The following CTIF variants were observed in gnomAD, a reference collection of about 807,000 sequenced individuals.
CTIF encodes CBP80/20-dependent translation initiation factor.
A neutral mutation model predicts 66.0 loss-of-function variants in CTIF; 21 were observed. The observed-to-expected ratio is 0.32, with a 90% confidence interval of 0.23 to 0.46. The LOEUF (loss-of-function observed/expected upper bound fraction) is 0.46, where lower values mean the gene tolerates loss of function less well. Ranked by LOEUF, CTIF falls within the 20% of genes least tolerant of loss-of-function variation. The pLI, the probability that CTIF is intolerant of heterozygous loss-of-function variation, is 1.00. For synonymous variants in CTIF, 345 were observed against 326.4 expected (o/e 1.06, Z -0.62); for missense variants, 739 against 812.7 (o/e 0.91, Z 1.10).
At chr18:48,603,849 ATT>A (rs34207687) in intron 1 of CTIF, among the ~76,000 whole-genome samples, 13 of 138,096 alleles carry the variant, frequency 9.4e-5, no homozygotes, top group Non-Finnish European at 1.3e-4. Context: ...ACTCAGTGAA[ATT>A]TTTTTTTTTT....
At chr18:48,738,264 T>G (rs1361731457) in intron 7 of CTIF, among the ~76,000 whole-genome samples, 1 of 152,276 alleles carries the variant, frequency 6.6e-6, no homozygotes, top group East Asian at 1.9e-4. Context: ...GCCAAGGCAG[T>G]GTGGGCTCTC....
chr18:48,738,375 A>C (rs1191260363), intron 7 of CTIF, among the ~76,000 whole-genome samples: 1 of 152,140 alleles, frequency 6.6e-6, no homozygotes. Context: ...CATCCAGATA[A>C]GGGCCAAAGT....
At chr18:48,694,952 T>C (rs1283890364) in intron 6 of CTIF, among the ~76,000 whole-genome samples, 3 of 152,256 alleles carry the variant, frequency 2.0e-5, no homozygotes, top group Non-Finnish European at 4.4e-5. Flanking sequence ...CTAATCTTTC[T>C]TCCTAATTGG....
At chr18:48,574,930 C>T (rs1218225353) in intron 1 of CTIF, among the ~76,000 whole-genome samples, 3 of 152,140 alleles carry the variant, frequency 2.0e-5, no homozygotes, top group Non-Finnish European at 4.4e-5. Context: ...TATGGGCTAG[C>T]CACATGTCTA....
intron 3 of CTIF, among the ~76,000 whole-genome samples, chr18:48,638,430 C>T (rs1177394705): frequency 6.6e-6 from 1 of 152,086 alleles, no homozygotes; most frequent in African/African-American, 2.4e-5. Context: ...CCCCTCTGGT[C>T]CCCTTCTCCA....
intron 9 of CTIF, among the ~76,000 whole-genome samples, chr18:48,802,156 A>C (rs1172833269): frequency 1.3e-5 from 2 of 152,222 alleles, no homozygotes; most frequent in Non-Finnish European, 1.5e-5. Flanking sequence ...ACACAGAGTC[A>C]CAGCAGTTGG....
intron 3 of CTIF, among the ~76,000 whole-genome samples, chr18:48,656,786 C>T (rs565374221): frequency 6.6e-6 from 1 of 152,306 alleles, no homozygotes; most frequent in Non-Finnish European, 1.5e-5. Context: ...TTCTCAGAAC[C>T]TTGGCATTTC....
Position 48,817,244 on chromosome 18 carries a change from G to A in CTIF, c.1395G>A (p.Glu465=). The change falls in exon 10 of 12, where the codon GAG becomes GAA. Residue 465 remains glutamate (E), a synonymous_variant. Coordinates refer to ENST00000256413, the MANE Select transcript of CTIF (RefSeq NM_014772.3). ...AGAAGGACTTCACGGTGCGCGAGGA[G>A]CTGCAGCAGCAGGACGTGGAGCGCT... is the stretch of plus-strand genomic sequence containing the variant. The part of the protein sequence containing the change: ...MLQKDFTVRE[E]LQQQDVERWL... The A allele has an allele frequency of 1.9e-6, 3 of 1,614,000 alleles. No homozygotes were observed. The highest frequency in any genetic ancestry group is 1.7e-6 in the Non-Finnish European group (2 of 1,180,008).
intron 7 of CTIF, among the ~76,000 whole-genome samples, chr18:48,748,304 AG>A (rs1907451654): frequency 6.6e-6 from 1 of 151,404 alleles, no homozygotes; most frequent in South Asian, 2.1e-4. Context: ...TGCCCCCAGC[AG>A]GTGGGGGCCA....
chr18:48,574,323 C>T (rs2089483444), intron 1 of CTIF, among the ~76,000 whole-genome samples: 2 of 152,234 alleles, frequency 1.3e-5, no homozygotes, highest in African/African-American at 4.8e-5. Flanking sequence ...CCCTCTCCCC[C>T]AGTTCTTTGC....
rs1416128681 is a variant in CTIF at position 48,593,067 on chromosome 18, C to A, written c.-28-26471C>A. Among the ~76,000 whole-genome samples, 5 of 152,286 alleles carry A rather than the reference C, an allele frequency of 3.3e-5. No individual in the cohort carries two copies. In the East Asian group the frequency reaches 9.7e-4, roughly 29 times the overall value. Reference sequence around the variant, plus strand: ...GATGCCTGTGAAGTTTTCTCCTGTTCCTCTCACCCTGGGCATCATCAGGGG... The same window carrying A: ...GATGCCTGTGAAGTTTTCTCCTGTTACTCTCACCCTGGGCATCATCAGGGG... On this transcript the variant is annotated intron_variant, in intron 1 of 11. Coordinates refer to ENST00000256413, the MANE Select transcript of CTIF (RefSeq NM_014772.3).
intron 1 of CTIF, among the ~76,000 whole-genome samples, chr18:48,563,172 C>A (rs1239352583): frequency 2.0e-5 from 3 of 152,126 alleles, no homozygotes; most frequent in Admixed American, 1.3e-4. Flanking sequence ...CCCTCCTCCA[C>A]CCCCACCATT....
At chr18:48,733,030 C>T (rs921516197) in intron 7 of CTIF, among the ~76,000 whole-genome samples, 3 of 152,128 alleles carry the variant, frequency 2.0e-5, no homozygotes, top group Admixed American at 1.3e-4. Flanking sequence ...GGAGGAGGAG[C>T]GTTATTTTGA....
chr18:48,547,166 C>T (rs996159074), intron 1 of CTIF, among the ~76,000 whole-genome samples: 2 of 152,164 alleles, frequency 1.3e-5, no homozygotes, highest in South Asian at 2.1e-4. Flanking sequence ...GCCTTGGAGA[C>T]AGCTGCACAA....
At chr18:48,541,470 T>A (rs72923596) in intron 1 of CTIF, among the ~76,000 whole-genome samples, 1 of 152,240 alleles carries the variant, frequency 6.6e-6, no homozygotes, top group Non-Finnish European at 1.5e-5. Flanking sequence ...CAGTTCCTCC[T>A]GCCCAGGGCC....
intron 1 of CTIF, chr18:48,565,890 T>C (rs2089270145): frequency 6.6e-6 from 1 of 152,302 alleles, no homozygotes; most frequent in Non-Finnish European, 1.5e-5. Flanking sequence ...CTTGCTGTCC[T>C]GTGCTAGGCA....
At chr18:48,623,919 C>G (rs934827130) in intron 2 of CTIF, among the ~76,000 whole-genome samples, 11 of 151,638 alleles carry the variant, frequency 7.3e-5, no homozygotes, top group African/African-American at 2.7e-4. Flanking sequence ...ATAGATAATA[C>G]ATAGATAATA....
chr18:48,644,391 C>T (rs181288413), intron 3 of CTIF, among the ~76,000 whole-genome samples: 10 of 152,326 alleles, frequency 6.6e-5, no homozygotes, highest in Non-Finnish European at 1.3e-4. Context: ...AGTGGTCCTT[C>T]GGGCCTGGGT....
intron 7 of CTIF, among the ~76,000 whole-genome samples, chr18:48,722,694 G>T (rs1461156139): frequency 2.0e-5 from 3 of 151,300 alleles, no homozygotes; most frequent in Admixed American, 2.0e-4. Context: ...GCACCCAGCC[G>T]TACCCATCAG....
Sources: allele counts gnomAD v4.1 joint callset (sites outside exome capture counted in the v4.1 genomes callset), GRCh38; gene constraint gnomAD v4.1.1; transcripts MANE v1.5; gene names NCBI Gene and HGNC (gene_info 2026-07-23, HGNC 2026-07-21).